LRRC32: variants seen among roughly 807,000 people sequenced by gnomAD.
LRRC32 encodes transforming growth factor beta activator LRRC32.
In LRRC32, 5 loss-of-function variants were observed where a neutral mutation model predicts 15.0. The ratio of observed to expected loss-of-function variants is 0.33; its 90% CI spans 0.17 to 0.70. The LOEUF (loss-of-function observed/expected upper bound fraction) is 0.70, where lower values mean the gene tolerates loss of function less well. Ranked by LOEUF, LRRC32 falls within the 30% of genes least tolerant of loss-of-function variation. LRRC32 has a pLI of 0.66. For missense variants in LRRC32, 803 were observed against 854.2 expected (o/e 0.94, Z 0.75); for synonymous variants, 391 against 403.9 (o/e 0.97, Z 0.38).
At position 76,659,907 on chromosome 11, in the gene LRRC32, G is replaced by A. The variant is rs1237287572; in HGVS notation, c.1686C>T (p.Ser562=). The change falls in exon 3 of 3, where the codon AGC becomes AGT. Residue 562 remains serine, a synonymous_variant. Coordinates refer to ENST00000260061, the MANE Select transcript of LRRC32 (RefSeq NM_001128922.2). The part of the protein sequence containing the change: ...PGSAMGGLET[S]LRRLYLQGNP... ...TCCCCTGCAGGTAGAGGCGCCGGAGGCTGGTCTCCAGGCCACCCATGGCAC... is the reference window on the plus strand; with the variant it reads ...TCCCCTGCAGGTAGAGGCGCCGGAGACTGGTCTCCAGGCCACCCATGGCAC... 30 of 1,613,704 alleles carry A rather than the reference G, an allele frequency of 1.9e-5. No homozygotes were observed. The highest frequency in any genetic ancestry group is 2.5e-5 in the Non-Finnish European group (30 of 1,179,986).
At position 76,660,208 on chromosome 11, in the gene LRRC32, G is replaced by A. The variant is rs202023824; in HGVS notation, c.1385C>T (p.Ala462Val). Residue 462 changes from alanine (A) to valine (V), a missense_variant, in exon 3 of 3, where the codon GCC (alanine) becomes GTC (valine). Ala to Val is a moderately conservative substitution (Grantham distance 64). Coordinates refer to ENST00000260061, the MANE Select transcript of LRRC32 (RefSeq NM_001128922.2). ...CTCAGTCAGTGGGGTGTGGAGGAAG[G>A]CCCCTGCCCTGAGCAGCTCTATCTC... ...DNEIELLRAG[A>V]FLHTPLTELD... is the part of the protein sequence containing the mutation. The A allele has an allele frequency of 7.6e-6, 12 of 1,577,696 alleles. No homozygotes were observed. The African/African-American group carries it at 1.1e-4, about 14-fold the overall frequency.
chr11:76,664,389 G>A (rs556801530), intron 2 of LRRC32, among the ~76,000 whole-genome samples: 70 of 152,344 alleles, frequency 4.6e-4, no homozygotes, highest in African/African-American at 1.6e-3. Flanking sequence ...TCCCAGCATT[G>A]CCTGACTTAC....
Position 76,659,579 on chromosome 11 carries a change from T to G in LRRC32, c.*25A>C. On this transcript the variant is annotated 3_prime_UTR_variant, in exon 3 of 3. Transcript: ENST00000260061. ...TTCTCTGTACCTCAGGCTCCCCCAC[T>G]GACCTAGAGTGTCTCCCGGCTTCTT... The G allele has an allele frequency of 6.9e-6, 11 of 1,603,768 alleles. No homozygotes were observed. Among genetic ancestry groups the G allele is most frequent in the Non-Finnish European group, 9.4e-6 (11 of 1,173,526 alleles).
chr11:76,661,492 G>A lies in LRRC32; in HGVS notation c.101C>T (p.Ser34Leu), dbSNP rs772672659. 1.0e-5 allele frequency: 16 copies of A among 1,604,934 alleles called. No homozygotes were observed. Among genetic ancestry groups the A allele is most frequent in the African/African-American group, 4.0e-5 (3 of 74,824 alleles). The change falls in exon 3 of 3, where the codon TCG becomes TTG. Residue 34 changes from serine to leucine, a missense_variant. Transcript: ENST00000260061. ...VPCKMVDKKVSCQVLGLLQVP... is the reference protein window; with the variant it reads ...VPCKMVDKKVLCQVLGLLQVP... ...CTGGAGCAGGCCCAGAACCTGGCAC[G>A]AGACCTTCTTGTCCACCTGGGGAGG...
rs768400119 is a variant in LRRC32, at chr11:76,661,485, C to T, written c.108G>A (p.Gln36=). ...AGGGGACCTGGAGCAGGCCCAGAAC[C>T]TGGCACGAGACCTTCTTGTCCACCT... The part of the protein sequence containing the change: ...CKMVDKKVSC[Q]VLGLLQVPSV... Residue 36 remains glutamine (Q), a synonymous_variant, in exon 3 of 3, where the codon CAG becomes CAA. Coordinates refer to ENST00000260061, the MANE Select transcript of LRRC32 (RefSeq NM_001128922.2). 2 of 1,599,806 alleles carry T rather than the reference C, an allele frequency of 1.3e-6. No homozygotes were observed. Among genetic ancestry groups the T allele is most frequent in the South Asian group, 1.1e-5 (1 of 90,058 alleles).
In LRRC32 at chr11:76,660,065, G is replaced by T. The variant is rs746759803; in HGVS notation, c.1528C>A (p.Leu510Met). ...GNGLMVLQVD[L>M]PCFICLKRLN... Reference sequence around the variant, plus strand: ...CGCTTGAGGCAGATGAAGCAGGGCAGGTCCACCTGCAGGACCATCAGCCCG... The same window carrying T: ...CGCTTGAGGCAGATGAAGCAGGGCATGTCCACCTGCAGGACCATCAGCCCG... The change falls in exon 3 of 3, where the codon CTG becomes ATG. Residue 510 changes from leucine (L) to methionine (M), a missense_variant. Leu to Met is a conservative substitution (Grantham distance 15). Coordinates refer to ENST00000260061, the MANE Select transcript of LRRC32 (RefSeq NM_001128922.2). 1 of 1,614,116 alleles carries T rather than the reference G, an allele frequency of 6.2e-7. No homozygotes were observed. The highest frequency in any genetic ancestry group is 8.5e-7 in the Non-Finnish European group (1 of 1,180,024).
chr11:76,659,508 T>A lies in LRRC32; in HGVS notation c.*96A>T. The A allele has an allele frequency of 7.5e-7, 1 of 1,335,772 alleles. No individual in the cohort carries two copies. The highest frequency in any genetic ancestry group is 2.3e-5 in the East Asian group (1 of 42,588). The allele number at this position is 1,335,772 out of a possible 1,614,324, so 82.7% of individuals were successfully genotyped here. ...CTGGGCTGTAATTTGGAGACCAGAG[T>A]TCTGGGATCCCGGATCACTGTGTGA... is the stretch of plus-strand genomic sequence containing the variant. On this transcript the variant is annotated 3_prime_UTR_variant, in exon 3 of 3. Coordinates refer to ENST00000260061, the MANE Select transcript of LRRC32 (RefSeq NM_001128922.2).
intron 2 of LRRC32, 97 bp from the exon 3 acceptor site, chr11:76,661,605 A>G: frequency 4.8e-6 from 7 of 1,455,406 alleles, no homozygotes; most frequent in Non-Finnish European, 6.3e-6. Context: ...TGGCTGGGGA[A>G]CCCTTCTCCC....
At chr11:76,670,305 T>A (rs1952691223) in intron 1 of LRRC32, among the ~76,000 whole-genome samples, 1 of 152,138 alleles carries the variant, frequency 6.6e-6, no homozygotes, top group Non-Finnish European at 1.5e-5. Context: ...GAATTCAAAT[T>A]CCGGTTTGCC....
In LRRC32 at chr11:76,660,746, G is replaced by T; in HGVS notation, c.847C>A (p.Pro283Thr). ...SNNLIRLPTGPPQDSKGIHAP... is the reference protein window; with the variant it reads ...SNNLIRLPTGTPQDSKGIHAP... ...TGGATGCCCTTGCTGTCCTGGGGTG[G>T]CCCTGTGGGGAGCCGGATGAGGTTG... Residue 283 changes from proline to threonine, a missense_variant, in exon 3 of 3, where the codon CCA (proline) becomes ACA (threonine). Transcript: ENST00000260061. The T allele has an allele frequency of 1.2e-6, 2 of 1,614,152 alleles. No individual in the cohort carries two copies. The highest frequency in any genetic ancestry group is 1.7e-6 in the Non-Finnish European group (2 of 1,180,016).
rs777882667 is a variant in LRRC32 at position 76,660,450 on chromosome 11, G to A, written c.1143C>T (p.Gly381=). The A allele has an allele frequency of 2.3e-5, 37 of 1,613,704 alleles. No individual in the cohort carries two copies. Among genetic ancestry groups the A allele is most frequent in the African/African-American group, 8.0e-5 (6 of 74,940 alleles). Residue 381 remains glycine (G), a synonymous_variant, in exon 3 of 3, where the codon GGC becomes GGT. Transcript: ENST00000260061. ...TCCGCAGAGACCCCAGGGCTCTGGCGCCCAGTTCCAGTGTCTCCAGGGCAT... is the reference window on the plus strand; with the variant it reads ...TCCGCAGAGACCCCAGGGCTCTGGCACCCAGTTCCAGTGTCTCCAGGGCAT... The part of the protein sequence containing the change: ...SHNALETLEL[G]ARALGSLRTL...
chr11:76,661,587 A>G, intron 2 of LRRC32, 79 bp from the exon 3 acceptor site: 1 of 1,464,094 alleles, frequency 6.8e-7, no homozygotes, highest in Non-Finnish European at 9.0e-7. Context: ...TTATCCAGGA[A>G]CCCTGCCTGG....
Position 76,659,940 on chromosome 11 carries a change from C to A in LRRC32, c.1653G>T (p.Leu551=). ...LDLRNNSFSL[L]PGSAMGGLET... ...CCAGGCCACCCATGGCACTGCCTGG[C>A]AGGAGGCTGAAGCTGTTGTTTCGCA... The change falls in exon 3 of 3, where the codon CTG becomes CTT. Residue 551 remains leucine, a synonymous_variant. Coordinates refer to ENST00000260061, the MANE Select transcript of LRRC32 (RefSeq NM_001128922.2). 6.2e-7 allele frequency: 1 copy of A among 1,613,950 alleles called. No individual in the cohort carries two copies. Among genetic ancestry groups the A allele is most frequent in the South Asian group, 1.1e-5 (1 of 91,070 alleles).
In LRRC32 at chr11:76,659,044, C is replaced by A. The variant is rs1320645; in HGVS notation, c.*560G>T. The A allele has an allele frequency of 0.59, 92,195 of 155,148 alleles. 28,475 individuals are homozygous for A. The highest frequency in any genetic ancestry group is 0.88 in the East Asian group (4,681 of 5,336). The allele number at this position is 155,148 out of a possible 1,614,324, so 9.6% of individuals were successfully genotyped here. ...ATTTTCAGAGAGACTGAAAGTCATT[C>A]TCAGAAGACGTGACAAACAGTCTGC... is the stretch of plus-strand genomic sequence containing the variant. On this transcript the variant is annotated 3_prime_UTR_variant, in exon 3 of 3. Transcript: ENST00000260061.
At chr11:76,666,658 C>T (rs1215199074) in intron 1 of LRRC32, among the ~76,000 whole-genome samples, 1 of 152,188 alleles carries the variant, frequency 6.6e-6, no homozygotes, top group Non-Finnish European at 1.5e-5. Flanking sequence ...CCAGCCCTTC[C>T]CTCTAAGAGC....
Position 76,659,933 on chromosome 11 carries a change from T to C in LRRC32, c.1660A>G (p.Ser554Gly). The change falls in exon 3 of 3, where the codon AGT becomes GGT. Residue 554 changes from serine (S) to glycine (G), a missense_variant. Coordinates refer to ENST00000260061, the MANE Select transcript of LRRC32 (RefSeq NM_001128922.2). ...CTGGTCTCCAGGCCACCCATGGCAC[T>C]GCCTGGCAGGAGGCTGAAGCTGTTG... is the stretch of plus-strand genomic sequence containing the variant. ...RNNSFSLLPG[S>G]AMGGLETSLR... 1 of 1,613,876 alleles carries C rather than the reference T, an allele frequency of 6.2e-7. No individual in the cohort carries two copies. The highest frequency in any genetic ancestry group is 1.1e-5 in the South Asian group (1 of 91,066).
intron 2 of LRRC32, 122 bp downstream of exon 2, chr11:76,665,749 A>C (rs1952615130): frequency 8.5e-6 from 12 of 1,417,172 alleles, no homozygotes; most frequent in Non-Finnish European, 1.2e-5. Flanking sequence ...CATTAAATGC[A>C]AGGTACATTC....
At chr11:76,666,460 C>T (rs1952628420) in intron 1 of LRRC32, among the ~76,000 whole-genome samples, 1 of 152,370 alleles carries the variant, frequency 6.6e-6, no homozygotes, top group South Asian at 2.1e-4. Context: ...ACTCCCCCAC[C>T]TTTATTTTGC....
chr11:76,665,791 C>A, intron 2 of LRRC32, 80 bp downstream of exon 2: 26 of 1,592,526 alleles, frequency 1.6e-5, no homozygotes, highest in Non-Finnish European at 2.1e-5. Context: ...TAACTTCTGG[C>A]TTCTGGGGCT....
Sources: gnomAD v4.1 joint callset for allele counts (sites outside exome capture counted in the v4.1 genomes callset) on GRCh38, gnomAD v4.1.1 for gene constraint, MANE v1.5 for transcripts, NCBI Gene and HGNC (gene_info 2026-07-23, HGNC 2026-07-21) for gene names.